Variants in TBC1D22A observed in about 807,000 individuals in gnomAD.
TBC1D22A encodes the protein putative GTPase activator.
TBC1D22A carries 38 observed loss-of-function variants against 60.2 expected under a neutral mutation model. The observed-to-expected ratio is 0.63, with a 90% CI of 0.49 to 0.83. The LOEUF (loss-of-function observed/expected upper bound fraction) is 0.83, where lower values mean the gene tolerates loss of function less well. Among genes scored for constraint, TBC1D22A ranks in the 40% least tolerant of loss-of-function variants. The probability of loss-of-function intolerance (pLI) is 0.00; values close to 1 mark genes in which losing one functional copy is unlikely to be tolerated. For missense variants in TBC1D22A, 628 were observed against 701.0 expected (o/e 0.90, Z 1.18); for synonymous variants, 302 against 281.7 (o/e 1.07, Z -0.72).
In TBC1D22A at chr22:46,785,645, T is replaced by C. The variant is rs539241731; in HGVS notation, c.63-6875T>C. Among the ~76,000 whole-genome samples the C allele has an allele frequency of 4.6e-5, 7 of 152,348 alleles. No homozygotes were observed. In the South Asian group the frequency reaches 1.0e-3, roughly 23 times the overall value. The stretch of plus-strand genomic sequence containing the variant: ...GTCCCCAAGTAACCACTAATCTACG[T>C]TCTCTGTATATAGAATTGTCTATTC... On this transcript the variant is annotated intron_variant, in intron 1 of 12. Transcript: ENST00000337137.
intron 1 of TBC1D22A, among the ~76,000 whole-genome samples, chr22:46,771,521 C>T (rs2083477507): frequency 6.6e-6 from 1 of 152,044 alleles, no homozygotes; most frequent in African/African-American, 2.4e-5. Context: ...CGCTTCCCAT[C>T]CTTTTCCTCT....
At chr22:47,058,422 A>C (rs2063466842) in intron 11 of TBC1D22A, among the ~76,000 whole-genome samples, 1 of 152,088 alleles carries the variant, frequency 6.6e-6, no homozygotes, top group Admixed American at 6.5e-5. Flanking sequence ...GAACGAGTTC[A>C]GCCCTCAGCC....
Position 46,968,545 on chromosome 22 carries a change from G to A in TBC1D22A, c.1016-5745G>A, listed in dbSNP as rs113139973. Among the ~76,000 whole-genome samples, 1,149 of 150,514 alleles carry A rather than the reference G, an allele frequency of 7.6e-3. 17 individuals are homozygous for A. Among genetic ancestry groups the A allele is most frequent in the African/African-American group, 0.027 (1,098 of 41,062 alleles). On this transcript the variant is annotated intron_variant, in intron 8 of 12. Coordinates refer to ENST00000337137, the MANE Select transcript of TBC1D22A (RefSeq NM_014346.5). The stretch of plus-strand genomic sequence containing the variant: ...CAGGCGTCCTCACTGCGTGGCCGGC[G>A]GTCCTGAGTGGGAGGGCGTCCTCAC...
chr22:46,851,496 G>T (rs190847025), intron 4 of TBC1D22A, among the ~76,000 whole-genome samples: 1 of 152,258 alleles, frequency 6.6e-6, no homozygotes, highest in Non-Finnish European at 1.5e-5. Flanking sequence ...CAGGCCCTGA[G>T]GCAGGAGGCC....
At chr22:47,014,841 G>T (rs988336136) in intron 10 of TBC1D22A, among the ~76,000 whole-genome samples, 2 of 152,156 alleles carry the variant, frequency 1.3e-5, no homozygotes, top group African/African-American at 2.4e-5. Context: ...CCATGTGGGG[G>T]CCTCCCCCAG....
chr22:46,814,196 GTAA>G (rs1217151941), intron 4 of TBC1D22A, among the ~76,000 whole-genome samples: 1 of 152,238 alleles, frequency 6.6e-6, no homozygotes, highest in East Asian at 1.9e-4. Context: ...ACTACTGAGA[GTAA>G]TAATAAGAAA....
intron 10 of TBC1D22A, among the ~76,000 whole-genome samples, chr22:47,000,562 C>T (rs2075277346): frequency 1.3e-5 from 2 of 152,150 alleles, no homozygotes; most frequent in Non-Finnish European, 1.5e-5. Flanking sequence ...GGGCGGCAGC[C>T]TTCGAGGGTG....
intron 10 of TBC1D22A, among the ~76,000 whole-genome samples, chr22:47,034,179 T>C (rs548310424): frequency 1.3e-5 from 2 of 152,312 alleles, no homozygotes; most frequent in Non-Finnish European, 2.9e-5. Context: ...AAGGAAGCTG[T>C]TAAGTGAGCA....
chr22:46,905,610 G>A (rs757537380), intron 7 of TBC1D22A, among the ~76,000 whole-genome samples: 104 of 152,224 alleles, frequency 6.8e-4, no homozygotes, highest in Non-Finnish European at 1.2e-3. Context: ...GGGGACAGGC[G>A]GGGCCTCTGG....
intron 4 of TBC1D22A, among the ~76,000 whole-genome samples, chr22:46,859,186 G>A (rs1489790706): frequency 6.1e-5 from 2 of 32,874 alleles, no homozygotes; most frequent in Non-Finnish European, 5.3e-5. Context: ...AGAGGTCCGC[G>A]CAGTGCCGTG....
At chr22:46,946,863 CA>C (rs1344966076) in intron 8 of TBC1D22A, among the ~76,000 whole-genome samples, 2 of 152,166 alleles carry the variant, frequency 1.3e-5, no homozygotes, top group Non-Finnish European at 2.9e-5. Context: ...AACCTGATAA[CA>C]CCTCCTCCTA....
chr22:46,862,854 G>A (rs1229353637), intron 4 of TBC1D22A, among the ~76,000 whole-genome samples: 1 of 152,186 alleles, frequency 6.6e-6, no homozygotes, highest in Non-Finnish European at 1.5e-5. Context: ...GGACTGGGGA[G>A]CATGGGAGGA....
At chr22:46,865,890 T>C (rs1190728886) in intron 4 of TBC1D22A, among the ~76,000 whole-genome samples, 1 of 152,202 alleles carries the variant, frequency 6.6e-6, no homozygotes, top group East Asian at 1.9e-4. Flanking sequence ...TATGTTTATC[T>C]GTAGCACAGA....
chr22:46,771,423 G>T (rs1473270914), intron 1 of TBC1D22A, among the ~76,000 whole-genome samples: 1 of 151,756 alleles, frequency 6.6e-6, no homozygotes, highest in Non-Finnish European at 1.5e-5. Flanking sequence ...GTGAGATTTG[G>T]GTGCACCTGA....
At chr22:46,797,316 G>A in intron 3 of TBC1D22A, 128 bp from the exon 4 acceptor site, 2 of 981,834 alleles carry the variant, frequency 2.0e-6, no homozygotes, top group East Asian at 5.0e-5. Flanking sequence ...AGAAACCAAG[G>A]TCCCCACTGC....
At chr22:46,983,009 A>G (rs1303084882) in intron 9 of TBC1D22A, among the ~76,000 whole-genome samples, 1 of 152,232 alleles carries the variant, frequency 6.6e-6, no homozygotes, top group Non-Finnish European at 1.5e-5. Flanking sequence ...AGTAAGAAGC[A>G]TTATGTAGGA....
In TBC1D22A at chr22:46,855,252, C is replaced by G. The variant is rs562574717; in HGVS notation, c.638-23401C>G. ...GATGATACACCATATGGTCCCCTTA[C>G]CTATACATAATACAGAGTGTGAATG... is the stretch of plus-strand genomic sequence containing the variant. On this transcript the variant is annotated intron_variant, in intron 4 of 12. Coordinates refer to ENST00000337137, the MANE Select transcript of TBC1D22A (RefSeq NM_014346.5). Among the ~76,000 whole-genome samples the G allele has an allele frequency of 1.2e-4, 18 of 152,332 alleles. No homozygotes were observed. In the South Asian group the frequency reaches 3.7e-3, roughly 32 times the overall value.
At chr22:47,153,509 G>T (rs1339242216) in intron 12 of TBC1D22A, among the ~76,000 whole-genome samples, 1 of 152,026 alleles carries the variant, frequency 6.6e-6, no homozygotes, top group African/African-American at 2.4e-5. Flanking sequence ...AGAGAAGGGG[G>T]CCCGGTCTGC....
At chr22:47,158,003 CCAGCCGG>C (rs1213553025) in intron 12 of TBC1D22A, among the ~76,000 whole-genome samples, 1 of 152,204 alleles carries the variant, frequency 6.6e-6, no homozygotes, top group Non-Finnish European at 1.5e-5. Context: ...CCGTCACCCT[CCAGCCGG>C]CAGGCGTGCC....
Sources: allele counts gnomAD v4.1 joint callset (sites outside exome capture counted in the v4.1 genomes callset), GRCh38; gene constraint gnomAD v4.1.1; transcripts MANE v1.5; gene names NCBI Gene and HGNC (gene_info 2026-07-23, HGNC 2026-07-21).